The following NF1 variants were observed in gnomAD, a reference collection of about 807,000 sequenced individuals.
NF1 encodes neurofibromin.
In NF1, 122 loss-of-function variants were observed where a neutral mutation model predicts 325.7. That is an observed-to-expected ratio of 0.37 (90% CI 0.32 to 0.44). The LOEUF is 0.44. NF1 is among the 20% of genes least tolerant of loss of function. NF1 has a pLI of 1.00. For synonymous variants in NF1, 1,091 were observed against 1,186.0 expected, an observed-to-expected ratio of 0.92 and a Z score of 1.65; for missense variants, 2,140 against 3,415.4, an observed-to-expected ratio of 0.63 and a Z score of 9.31.
intron 1 of NF1, among the ~76,000 whole-genome samples, chr17:31,113,979 G>T (rs1405479853): frequency 1.3e-5 from 2 of 152,208 alleles, no homozygotes; most frequent in African/African-American, 4.8e-5. Context: ...TTTCTAGGCT[G>T]TGTTAATTAT....
chr17:31,136,030 C>G (rs973079771), intron 1 of NF1, among the ~76,000 whole-genome samples: 9 of 152,004 alleles, frequency 5.9e-5, no homozygotes, highest in Non-Finnish European at 1.0e-4. Context: ...CTCTTACTTT[C>G]CTTTCTTTGA....
chr17:31,214,480 C>T lies in NF1; in HGVS notation c.1422C>T (p.Ser474=), dbSNP rs1597698349. ...TTACATTTAAAGAAAAAGTAACAAG[C>T]CTTAAATTTAAAGAAAAACCTACAG... ...PSLTFKEKVT[S]LKFKEKPTDL... Residue 474 remains serine (S), a synonymous_variant, in exon 13 of 58, where the codon AGC becomes AGT. Coordinates refer to ENST00000358273, the MANE Select transcript of NF1 (RefSeq NM_001042492.3). 6.2e-7 allele frequency: 1 copy of T among 1,604,896 alleles called. No individual in the cohort carries two copies. Among genetic ancestry groups the T allele is most frequent in the Admixed American group, 1.7e-5 (1 of 59,792 alleles).
Position 31,334,848 on chromosome 17 carries a change from G to A in NF1, c.5823G>A (p.Leu1941=), listed in dbSNP as rs1421894205. 1 of 1,613,432 alleles carries A rather than the reference G, an allele frequency of 6.2e-7. No individual in the cohort carries two copies. Among genetic ancestry groups the A allele is most frequent in the South Asian group, 1.1e-5 (1 of 91,044 alleles). ...ISGFSKSSIE[L]KHLCLEYMTP... is the part of the protein sequence containing the mutation. ...TGTATTTTTTTCCAGGTATTGAATTGAAACACCTTTGTTTGGAATACATGA... is the reference window on the plus strand; with the variant it reads ...TGTATTTTTTTCCAGGTATTGAATTAAAACACCTTTGTTTGGAATACATGA... The change falls in exon 40 of 58, where the codon TTG becomes TTA. Residue 1941 remains leucine (L), a synonymous_variant. Transcript: ENST00000358273.
At chr17:31,271,301 C>G (rs1400958385) in intron 36 of NF1, among the ~76,000 whole-genome samples, 2 of 152,140 alleles carry the variant, frequency 1.3e-5, no homozygotes, top group Admixed American at 6.5e-5. Flanking sequence ...GGCGCAATAT[C>G]ATTATACATT....
chr17:31,365,623 TC>T (rs1416277820), intron 57 of NF1, among the ~76,000 whole-genome samples: 1 of 152,224 alleles, frequency 6.6e-6, no homozygotes, highest in Non-Finnish European at 1.5e-5. Context: ...CAGATATTTA[TC>T]CTACATATAT....
chr17:31,247,068 C>T (rs536752200), intron 29 of NF1, among the ~76,000 whole-genome samples: 140 of 151,806 alleles, frequency 9.2e-4, no homozygotes, highest in Non-Finnish European at 1.5e-3. Flanking sequence ...GGTGGTGGTG[C>T]GCCTGTAGTC....
At chr17:31,340,316 G>A (rs938341994) in intron 46 of NF1, 189 bp from the exon 47 acceptor site, 20 of 660,348 alleles carry the variant, frequency 3.0e-5, no homozygotes, top group Admixed American at 8.5e-5. Flanking sequence ...AACGTTCTCA[G>A]TCCAGCTAAC....
At chr17:31,267,201 G>A (rs1041981723) in intron 36 of NF1, among the ~76,000 whole-genome samples, 2 of 151,994 alleles carry the variant, frequency 1.3e-5, no homozygotes, top group Non-Finnish European at 2.9e-5. Flanking sequence ...AAAGTGCTGG[G>A]AATTACAGGT....
intron 36 of NF1, among the ~76,000 whole-genome samples, chr17:31,288,506 T>G (rs1166495477): frequency 6.6e-6 from 1 of 150,728 alleles, no homozygotes; most frequent in Non-Finnish European, 1.5e-5. Flanking sequence ...TGCCCAGAAC[T>G]AGTTTTTTTT....
rs876659876 is a variant in NF1 at position 31,230,343 on chromosome 17, G to A, written c.3074G>A (p.Arg1025Lys). 2 of 1,613,502 alleles carry A rather than the reference G, an allele frequency of 1.2e-6. No homozygotes were observed. Among genetic ancestry groups the A allele is most frequent in the Non-Finnish European group, 1.7e-6 (2 of 1,179,586 alleles). The change falls in exon 23 of 58, where the codon AGG becomes AAG. Residue 1025 changes from arginine (R) to lysine (K), a missense_variant. This residue lies in a region of NF1 where 380 missense variants were observed against 639.3 expected (regional missense o/e 0.59). Coordinates refer to ENST00000358273, the MANE Select transcript of NF1 (RefSeq NM_001042492.3). ...CAATTAGTTGAAGTAATGATGGCAA[G>A]GAGAGATGACCTCTCATTTTGCCAA... ...LCQLVEVMMA[R>K]RDDLSFCQEM...
At chr17:31,340,003 C>T (rs755510576) in intron 46 of NF1, among the ~76,000 whole-genome samples, 1 of 152,076 alleles carries the variant, frequency 6.6e-6, no homozygotes, top group Non-Finnish European at 1.5e-5. Flanking sequence ...CTGGATAGAC[C>T]TCATCTCACA....
At chr17:31,267,805 C>T (rs2067818309) in intron 36 of NF1, among the ~76,000 whole-genome samples, 2 of 152,194 alleles carry the variant, frequency 1.3e-5, no homozygotes, top group South Asian at 4.1e-4. Context: ...TTCTGTTTCT[C>T]AGTACCATCA....
intron 36 of NF1, among the ~76,000 whole-genome samples, chr17:31,280,213 T>A (rs957866192): frequency 9.3e-5 from 14 of 150,932 alleles, no homozygotes; most frequent in African/African-American, 3.2e-4. Context: ...TTTTTTAATT[T>A]TTTTTTTTTT....
chr17:31,159,881 T>A (rs2065732044), intron 3 of NF1, among the ~76,000 whole-genome samples: 1 of 152,178 alleles, frequency 6.6e-6, no homozygotes, highest in Non-Finnish European at 1.5e-5. Flanking sequence ...AATTTTGTTT[T>A]GATTCAGAAT....
chr17:31,241,543 GGCTT>G (rs1376703958), intron 29 of NF1, among the ~76,000 whole-genome samples: 1 of 152,012 alleles, frequency 6.6e-6, no homozygotes, highest in Non-Finnish European at 1.5e-5. Context: ...GTTACCATGA[GGCTT>G]GCCAATAATA....
chr17:31,354,769 A>G (rs2070231669), intron 51 of NF1, among the ~76,000 whole-genome samples: 1 of 152,196 alleles, frequency 6.6e-6, no homozygotes, highest in African/African-American at 2.4e-5. Flanking sequence ...CAGGAGGCCA[A>G]GGCAGGAGGA....
intron 29 of NF1, among the ~76,000 whole-genome samples, chr17:31,247,871 A>T (rs1440683509): frequency 1.3e-5 from 2 of 152,208 alleles, no homozygotes; most frequent in Non-Finnish European, 2.9e-5. Context: ...TGAAAGATGA[A>T]AGTTGCCTTT....
rs2151574430 is a variant in NF1, at chr17:31,350,239, T to A, written c.7378T>A (p.Ser2460Thr). ...TCGCTGCAGCCTAAAACATAGAAAG[T>A]CACTTCTTCTTACTGATATTTCAAT... is the stretch of plus-strand genomic sequence containing the variant. ...RSRCSLKHRK[S>T]LLLTDISMEN... Residue 2460 changes from serine to threonine, a missense_variant, in exon 50 of 58, where the codon TCA (serine) becomes ACA (threonine). By Grantham distance (58) the Ser-to-Thr change is moderately conservative. Transcript: ENST00000358273. 2 of 1,613,794 alleles carry A rather than the reference T, an allele frequency of 1.2e-6. No individual in the cohort carries two copies. Among genetic ancestry groups the A allele is most frequent in the Non-Finnish European group, 1.7e-6 (2 of 1,179,698 alleles).
intron 35 of NF1, among the ~76,000 whole-genome samples, chr17:31,262,837 C>T (rs1256175280): frequency 6.6e-6 from 1 of 151,624 alleles, no homozygotes; most frequent in African/African-American, 2.4e-5. Flanking sequence ...GCATATTTTC[C>T]ATACAGACTA....
Sources: allele counts gnomAD v4.1 joint callset (sites outside exome capture counted in the v4.1 genomes callset), GRCh38; gene constraint gnomAD v4.1.1; regional missense constraint gnomAD v4.1.1; transcripts MANE v1.5; gene names NCBI Gene and HGNC (gene_info 2026-07-23, HGNC 2026-07-21).